Variants in AKAP19 observed in about 807,000 individuals in gnomAD.
AKAP19 encodes the protein small A-kinase anchoring protein.
the AKAP19 span, among the ~76,000 whole-genome samples, chr2:190,038,901 TTTCTTC>T: frequency 3.1e-3 from 144 of 45,998 alleles, 2 homozygotes; most frequent in South Asian, 5.0e-3. Flanking sequence ...TCTTTCTTTC[TTTCTTC>T]TTCTTCTTCT....
At chr2:190,106,123 T>C in the AKAP19 span, among the ~76,000 whole-genome samples, 1 of 152,230 alleles carries the variant, frequency 6.6e-6, no homozygotes, top group Non-Finnish European at 1.5e-5. Context: ...TTTTGTTTCT[T>C]ATTTATAAGG....
the AKAP19 span, among the ~76,000 whole-genome samples, chr2:190,083,174 T>C: frequency 2.6e-5 from 4 of 151,694 alleles, no homozygotes; most frequent in Non-Finnish European, 5.9e-5. Context: ...AGCTCAGGAG[T>C]TTGAGACAAG....
the AKAP19 span, among the ~76,000 whole-genome samples, chr2:189,891,754 A>G: frequency 1.3e-5 from 2 of 151,808 alleles, no homozygotes; most frequent in Non-Finnish European, 2.9e-5. Flanking sequence ...TATTCTCTGT[A>G]TTTCCTGGAT....
At chr2:190,149,626 G>A in the AKAP19 span, among the ~76,000 whole-genome samples, 1 of 152,086 alleles carries the variant, frequency 6.6e-6, no homozygotes, top group Non-Finnish European at 1.5e-5. Flanking sequence ...TATTTGCATG[G>A]TTCTGAAGGT....
At chr2:190,172,876 G>A in the AKAP19 span, among the ~76,000 whole-genome samples, 8 of 152,144 alleles carry the variant, frequency 5.3e-5, no homozygotes, top group African/African-American at 1.9e-4. Context: ...ACTTTGGGAG[G>A]CTGAGGCGTG....
the AKAP19 span, among the ~76,000 whole-genome samples, chr2:190,122,106 G>A: frequency 6.6e-6 from 1 of 152,268 alleles, no homozygotes; most frequent in African/African-American, 2.4e-5. Flanking sequence ...CCAATAAAAT[G>A]GCAAAGTACT....
chr2:189,934,107 A>G, the AKAP19 span, among the ~76,000 whole-genome samples: 1 of 152,132 alleles, frequency 6.6e-6, no homozygotes, highest in Non-Finnish European at 1.5e-5. Flanking sequence ...TAGAAATTTC[A>G]AATATTCAAA....
the AKAP19 span, among the ~76,000 whole-genome samples, chr2:189,886,163 T>C: frequency 3.9e-5 from 6 of 152,180 alleles, no homozygotes; most frequent in Non-Finnish European, 7.4e-5. Context: ...GCCTTGGAGA[T>C]TGGGGATACC....
chr2:189,982,377 T>G, the AKAP19 span, among the ~76,000 whole-genome samples: 6 of 152,142 alleles, frequency 3.9e-5, no homozygotes, highest in African/African-American at 1.4e-4. Context: ...TTAATATTAT[T>G]CTCTTGTCTT....
At chr2:190,084,255 G>C in the AKAP19 span, among the ~76,000 whole-genome samples, 8 of 151,988 alleles carry the variant, frequency 5.3e-5, no homozygotes, top group African/African-American at 1.9e-4. Context: ...ACCATGCCTG[G>C]CTAATTTTTG....
the AKAP19 span, among the ~76,000 whole-genome samples, chr2:190,000,421 G>T: frequency 0.019 from 2,831 of 152,280 alleles, 93 homozygotes; most frequent in African/African-American, 0.061. Context: ...CTAAAAGTTT[G>T]CTTTGTTATT....
the AKAP19 span, among the ~76,000 whole-genome samples, chr2:190,103,242 T>A: frequency 1.3e-5 from 2 of 152,256 alleles, no homozygotes; most frequent in Admixed American, 6.5e-5. Flanking sequence ...TCATGCTGAA[T>A]GGGCAAAAGC....
At chr2:189,932,266 G>T in the AKAP19 span, among the ~76,000 whole-genome samples, 2 of 152,082 alleles carry the variant, frequency 1.3e-5, no homozygotes, top group Non-Finnish European at 2.9e-5. Flanking sequence ...AAATTAGCTG[G>T]ATGTGGTGGC....
the AKAP19 span, among the ~76,000 whole-genome samples, chr2:189,997,046 A>G: frequency 6.6e-6 from 1 of 152,186 alleles, no homozygotes; most frequent in African/African-American, 2.4e-5. Flanking sequence ...GATATGTTTA[A>G]TGTGCTGGCT....
At chr2:190,065,863 T>C in the AKAP19 span, among the ~76,000 whole-genome samples, 1 of 152,158 alleles carries the variant, frequency 6.6e-6, no homozygotes, top group African/African-American at 2.4e-5. Flanking sequence ...GTAAGTTTTA[T>C]TCCTTCTCCA....
At chr2:190,030,230 G>A in the AKAP19 span, among the ~76,000 whole-genome samples, 1 of 152,048 alleles carries the variant, frequency 6.6e-6, no homozygotes, top group Non-Finnish European at 1.5e-5. Context: ...TCCCCATTGT[G>A]TTACATTCAC....
the AKAP19 span, among the ~76,000 whole-genome samples, chr2:190,154,800 G>T: frequency 6.6e-6 from 1 of 152,328 alleles, no homozygotes; most frequent in Admixed American, 6.5e-5. Flanking sequence ...CACTCTTAGG[G>T]AGAAGTTACA....
the AKAP19 span, among the ~76,000 whole-genome samples, chr2:189,952,338 C>T: frequency 2.6e-5 from 4 of 152,196 alleles, no homozygotes; most frequent in Admixed American, 6.5e-5. Context: ...CTTATTTCGT[C>T]TCCTGCCTTA....
chr2:190,062,251 C>G, the AKAP19 span: 2 of 1,613,036 alleles, frequency 1.2e-6, no homozygotes, highest in Non-Finnish European at 1.7e-6. Flanking sequence ...ATGATTGTTT[C>G]CGTTGTAGCG....
Sources: allele counts gnomAD v4.1 joint callset (sites outside exome capture counted in the v4.1 genomes callset), GRCh38; gene constraint gnomAD v4.1.1; transcripts MANE v1.5; gene names NCBI Gene and HGNC (gene_info 2026-07-23, HGNC 2026-07-21).